RGS7: variants seen among roughly 807,000 people sequenced by gnomAD.
RGS7 encodes the protein regulator of G-protein signaling 7.
In RGS7, 27 loss-of-function variants were observed where a neutral mutation model predicts 81.1. That is an observed-to-expected ratio of 0.33 (90% confidence interval 0.25 to 0.46). The LOEUF (loss-of-function observed/expected upper bound fraction) is 0.46. Ranked by LOEUF, RGS7 falls within the 20% of genes least tolerant of loss-of-function variation. RGS7 has a pLI of 1.00. For synonymous variants in RGS7, 208 were observed against 207.7 expected (o/e 1.00, Z -0.01); for missense variants, 396 against 607.4 (o/e 0.65, Z 3.66).
chr1:240,915,894 GA>G (rs1347709855), intron 6 of RGS7, among the ~76,000 whole-genome samples: 1 of 151,990 alleles, frequency 6.6e-6, no homozygotes, highest in Non-Finnish European at 1.5e-5. Context: ...CATGATTGAG[GA>G]AAGAATCAGT....
intron 2 of RGS7, among the ~76,000 whole-genome samples, chr1:241,157,065 T>C (rs535694736): frequency 7.4e-4 from 113 of 152,102 alleles, no homozygotes; most frequent in Non-Finnish European, 1.2e-3. Context: ...CAAGAGTAAG[T>C]ACGTTATTTG....
At chr1:241,276,181 A>G (rs2078185664) in intron 2 of RGS7, among the ~76,000 whole-genome samples, 1 of 152,234 alleles carries the variant, frequency 6.6e-6, no homozygotes, top group Admixed American at 6.5e-5. Context: ...ACCTGGAAAT[A>G]ACTGAAGTAT....
At chr1:241,352,368 C>T (rs1339572339) in intron 2 of RGS7, among the ~76,000 whole-genome samples, 1 of 152,090 alleles carries the variant, frequency 6.6e-6, no homozygotes, top group African/African-American at 2.4e-5. Context: ...AGTCAAGCCT[C>T]ATAATTTTAT....
chr1:241,080,288 A>G (rs2063059246), intron 3 of RGS7, among the ~76,000 whole-genome samples: 1 of 142,552 alleles, frequency 7.0e-6, no homozygotes, highest in Admixed American at 6.8e-5. Flanking sequence ...GAGGAATAGA[A>G]AAAAAAAAAG....
At chr1:240,879,972 T>A (rs1253698423) in intron 6 of RGS7, among the ~76,000 whole-genome samples, 7 of 152,226 alleles carry the variant, frequency 4.6e-5, no homozygotes, top group Non-Finnish European at 2.9e-5. Flanking sequence ...GTGGTTTTTT[T>A]AAAAAGTCTA....
In RGS7 at chr1:241,314,486, T is replaced by C. The variant is rs182484943; in HGVS notation, c.78+41213A>G. ...TTCTTTGACACTTATTAGACTACAG[T>C]GTGGTATAAACTTAACTTTTATATG... On this transcript the variant is annotated intron_variant, in intron 2 of 18. Transcript: ENST00000440928. Among the ~76,000 whole-genome samples the C allele has an allele frequency of 3.7e-3, 558 of 152,370 alleles. 5 individuals carry two copies. The highest frequency in any genetic ancestry group is 0.023 in the South Asian group (110 of 4,830).
intron 4 of RGS7, among the ~76,000 whole-genome samples, chr1:240,950,471 T>C (rs1304504871): frequency 2.0e-5 from 3 of 151,948 alleles, no homozygotes; most frequent in Non-Finnish European, 4.4e-5. Context: ...CAAACAACAT[T>C]AACAGGGGCA....
chr1:240,874,973 C>T (rs573300230), intron 6 of RGS7, among the ~76,000 whole-genome samples: 1 of 151,512 alleles, frequency 6.6e-6, no homozygotes, highest in South Asian at 2.1e-4. Context: ...ACCCGGGAGG[C>T]GGGGGTTGCA....
intron 2 of RGS7, among the ~76,000 whole-genome samples, chr1:241,238,042 TG>T (rs1259408719): frequency 6.6e-6 from 1 of 152,174 alleles, no homozygotes; most frequent in East Asian, 1.9e-4. Context: ...TTGCTTCCTC[TG>T]CTCCTCTCTC....
chr1:240,774,835 C>T (rs1419377405), downstream of RGS7, among the ~76,000 whole-genome samples: 2 of 152,000 alleles, frequency 1.3e-5, no homozygotes, highest in African/African-American at 4.8e-5. Context: ...AACCTTCCAA[C>T]AATAAAAATA....
chr1:241,109,006 TCA>T (rs2065324204), intron 2 of RGS7, among the ~76,000 whole-genome samples: 1 of 152,134 alleles, frequency 6.6e-6, no homozygotes, highest in Admixed American at 6.5e-5. Context: ...CCACTTGAGC[TCA>T]CATCAGTTCG....
chr1:241,304,680 G>A (rs1174237319), intron 2 of RGS7, among the ~76,000 whole-genome samples: 1 of 152,168 alleles, frequency 6.6e-6, no homozygotes, highest in East Asian at 1.9e-4. Flanking sequence ...ATGCTAAATA[G>A]GCAGTTAGTT....
chr1:240,959,458 G>T (rs1259969937), intron 4 of RGS7, among the ~76,000 whole-genome samples: 3 of 152,094 alleles, frequency 2.0e-5, no homozygotes, highest in East Asian at 3.9e-4. Flanking sequence ...TAACACAATG[G>T]TATTTGCATA....
chr1:241,052,301 G>A (rs960522611), intron 3 of RGS7, among the ~76,000 whole-genome samples: 1 of 152,142 alleles, frequency 6.6e-6, no homozygotes, highest in Admixed American at 6.6e-5. Context: ...AGCGATCAAG[G>A]TTGTTAAGGA....
chr1:240,894,829 A>T (rs1199412243), intron 6 of RGS7, among the ~76,000 whole-genome samples: 2 of 152,256 alleles, frequency 1.3e-5, no homozygotes, highest in Admixed American at 6.5e-5. Flanking sequence ...TCAGAAGAAT[A>T]GGTTTTCTTA....
intron 2 of RGS7, among the ~76,000 whole-genome samples, chr1:241,249,991 T>C (rs1286792052): frequency 6.6e-6 from 1 of 152,192 alleles, no homozygotes; most frequent in African/African-American, 2.4e-5. Context: ...AAGAAATATG[T>C]AAAACCAATC....
At chr1:241,091,277 T>C (rs1029391264) in intron 3 of RGS7, among the ~76,000 whole-genome samples, 4 of 151,298 alleles carry the variant, frequency 2.6e-5, no homozygotes, top group Admixed American at 2.6e-4. Flanking sequence ...GGCCGGGCAC[T>C]GTGGCTCACG....
chr1:241,009,152 C>A (rs1323093306), intron 3 of RGS7, among the ~76,000 whole-genome samples: 2 of 152,224 alleles, frequency 1.3e-5, no homozygotes, highest in East Asian at 3.9e-4. Flanking sequence ...ATACAAAGAC[C>A]TCATGACTAT....
At chr1:241,107,598 AC>A (rs2065204534) in intron 2 of RGS7, among the ~76,000 whole-genome samples, 1 of 152,176 alleles carries the variant, frequency 6.6e-6, no homozygotes, top group African/African-American at 2.4e-5. Context: ...TTCTGTCTCT[AC>A]CTATATAAGT....
Sources: gnomAD v4.1 joint callset for allele counts (sites outside exome capture counted in the v4.1 genomes callset) on GRCh38, gnomAD v4.1.1 for gene constraint, MANE v1.5 for transcripts, NCBI Gene and HGNC (gene_info 2026-07-23, HGNC 2026-07-21) for gene names.